Variants in BTBD8 observed in about 807,000 individuals in gnomAD.
The protein encoded by BTBD8 is BTB/POZ domain-containing protein 8.
Under a neutral mutation model 162.9 loss-of-function variants are expected in BTBD8, and 110 were observed. The observed-to-expected ratio is 0.68, with a 90% CI of 0.58 to 0.79. The LOEUF (loss-of-function observed/expected upper bound fraction) is 0.79. Ranked by LOEUF, BTBD8 falls within the 30% of genes least tolerant of loss-of-function variation. The pLI, the probability that BTBD8 is intolerant of heterozygous loss-of-function variation, is 0.00. For synonymous variants in BTBD8, 667 were observed against 716.1 expected (o/e 0.93, Z 1.10); for missense variants, 1,905 against 2,085.4 (o/e 0.91, Z 1.68).
chr1:92,127,808 G>A (rs1471431340), intron 4 of BTBD8, among the ~76,000 whole-genome samples: 2 of 152,210 alleles, frequency 1.3e-5, no homozygotes, highest in East Asian at 3.9e-4. Context: ...TGATCCGCCC[G>A]CCATGGCCTC....
chr1:92,107,327 CAT>C (rs1341739168), intron 3 of BTBD8, among the ~76,000 whole-genome samples: 3 of 152,164 alleles, frequency 2.0e-5, no homozygotes, highest in African/African-American at 7.2e-5. Context: ...AGTGTACAGT[CAT>C]GTGCTGCATA....
chr1:92,128,346 T>G (rs917193510), intron 4 of BTBD8, among the ~76,000 whole-genome samples: 8 of 151,974 alleles, frequency 5.3e-5, no homozygotes, highest in Non-Finnish European at 1.2e-4. Context: ...TGGTGCAATC[T>G]CGGCTCACTG....
intron 13 of BTBD8, among the ~76,000 whole-genome samples, chr1:92,175,282 C>T (rs988976169): frequency 1.3e-5 from 2 of 151,494 alleles, no homozygotes; most frequent in African/African-American, 4.9e-5. Context: ...AGATCAAGAC[C>T]ATCCTGGCCA....
chr1:92,094,865 A>G (rs1345860652), intron 2 of BTBD8, among the ~76,000 whole-genome samples: 1 of 152,250 alleles, frequency 6.6e-6, no homozygotes, highest in African/African-American at 2.4e-5. Flanking sequence ...AGTCTCAGTC[A>G]GGTAAATACA....
At chr1:92,116,302 T>C (rs1649041333) in intron 4 of BTBD8, among the ~76,000 whole-genome samples, 1 of 152,120 alleles carries the variant, frequency 6.6e-6, no homozygotes. Context: ...TTAAAAAGAA[T>C]ATGTGTTCTG....
At chr1:92,146,283 G>A (rs990108686) in intron 7 of BTBD8, among the ~76,000 whole-genome samples, 1 of 151,878 alleles carries the variant, frequency 6.6e-6, no homozygotes, top group African/African-American at 2.4e-5. Flanking sequence ...AAGAATAACA[G>A]ACTTTAAAAA....
chr1:92,133,368 G>GTTCT (rs1649557695), intron 5 of BTBD8, among the ~76,000 whole-genome samples: 3 of 152,192 alleles, frequency 2.0e-5, no homozygotes, highest in Non-Finnish European at 4.4e-5. Context: ...AATATTGACT[G>GTTCT]TTCTTTCTTT....
At chr1:92,123,816 T>C (rs1398789761) in intron 4 of BTBD8, among the ~76,000 whole-genome samples, 1 of 151,378 alleles carries the variant, frequency 6.6e-6, no homozygotes, top group Middle Eastern at 3.4e-3. Flanking sequence ...TAGAAATAAT[T>C]TGACACTCAA....
intron 1 of BTBD8, among the ~76,000 whole-genome samples, chr1:92,081,762 C>T (rs184264319): frequency 3.0e-4 from 45 of 152,204 alleles, no homozygotes; most frequent in Admixed American, 2.4e-3. Context: ...TTAGTAGAGA[C>T]GGGATTTCAT....
intron 3 of BTBD8, among the ~76,000 whole-genome samples, chr1:92,103,818 G>A (rs1305878728): frequency 5.3e-5 from 8 of 152,160 alleles, no homozygotes; most frequent in Non-Finnish European, 1.0e-4. Flanking sequence ...AGGCATGTTT[G>A]CTTTTTAATC....
At chr1:92,165,840 G>A (rs1355423888) in intron 9 of BTBD8, among the ~76,000 whole-genome samples, 2 of 152,108 alleles carry the variant, frequency 1.3e-5, no homozygotes, top group Admixed American at 1.3e-4. Flanking sequence ...CACCACTGTT[G>A]GTTAAGGCAA....
chr1:92,153,477 C>T (rs1264114287), intron 9 of BTBD8, among the ~76,000 whole-genome samples: 4 of 152,142 alleles, frequency 2.6e-5, no homozygotes, highest in Non-Finnish European at 4.4e-5. Flanking sequence ...CAGCTGATCT[C>T]TCATCTTTCG....
At chr1:92,148,603 T>C (rs1649980400) in intron 9 of BTBD8, among the ~76,000 whole-genome samples, 1 of 152,222 alleles carries the variant, frequency 6.6e-6, no homozygotes, top group African/African-American at 2.4e-5. Context: ...CCAGGATTTA[T>C]GGGCCTAAAA....
chr1:92,150,698 G>A (rs1402897182), intron 9 of BTBD8: 1 of 152,204 alleles, frequency 6.6e-6, no homozygotes. Context: ...TGCACTCACA[G>A]CACAGAACAC....
chr1:92,081,167 T>C (rs1015186276), intron 1 of BTBD8, among the ~76,000 whole-genome samples: 2 of 152,198 alleles, frequency 1.3e-5, no homozygotes, highest in African/African-American at 2.4e-5. Context: ...GGAGGTCTCT[T>C]CTGAGGTCTC....
intron 16 of BTBD8, among the ~76,000 whole-genome samples, chr1:92,180,027 G>C (rs893538923): frequency 2.0e-5 from 3 of 151,990 alleles, no homozygotes; most frequent in Admixed American, 6.6e-5. Context: ...TCCTATTTTA[G>C]TAATTTTTAC....
chr1:92,080,425 A>C lies in BTBD8; in HGVS notation c.-147A>C, dbSNP rs1384588123. The C allele has an allele frequency of 1.6e-6, 2 of 1,217,464 alleles. No individual in the cohort carries two copies. The highest frequency in any genetic ancestry group is 5.5e-5 in the East Asian group (2 of 36,422). 75.4% of individuals were successfully genotyped at this position (1,217,464 alleles called of 1,614,324 possible). On this transcript the variant is annotated 5_prime_UTR_variant, in exon 1 of 18. Coordinates refer to ENST00000636805, the MANE Select transcript of BTBD8 (RefSeq NM_001376131.1). Reference sequence around the variant, plus strand: ...CCGGCTTCTCTGGGAGACTGTCTACAAACCGACGAGAGGCGTCAACCTTTT... The same window carrying C: ...CCGGCTTCTCTGGGAGACTGTCTACCAACCGACGAGAGGCGTCAACCTTTT...
In BTBD8 at chr1:92,157,100, A is replaced by G. The variant is rs368801668; in HGVS notation, c.1122+9314A>G. 4.6e-5 allele frequency among the ~76,000 whole-genome samples: 7 copies of G among 151,924 alleles called. No homozygotes were observed. The East Asian group carries it at 5.8e-4, about 13-fold the overall frequency. Reference sequence around the variant, plus strand: ...CTTAGTTCTGCTTTTGCTACATCCCATAAGTTTTGGTATATTGTATTGTTG... The same window carrying G: ...CTTAGTTCTGCTTTTGCTACATCCCGTAAGTTTTGGTATATTGTATTGTTG... On this transcript the variant is annotated intron_variant, in intron 9 of 17. Transcript: ENST00000636805.
chr1:92,140,125 AG>A lies in BTBD8; in HGVS notation c.833+696del, dbSNP rs1181242809. On this transcript the variant is annotated intron_variant, in intron 6 of 17. Transcript: ENST00000636805. ...CTCTGTCTCAAAAAAAAAAAAAAAA[AG>A]AATATAGGGCATTTGCCAGGCGTGA... Among the ~76,000 whole-genome samples the A allele has an allele frequency of 1.0e-3, 141 of 136,430 alleles. 1 individual carries two copies. Among genetic ancestry groups the A allele is most frequent in the African/African-American group, 3.8e-3 (137 of 36,412 alleles). 89.5% of individuals were successfully genotyped at this position (136,430 alleles called of 152,430 possible). A position where few individuals can be genotyped will look rare whatever the true frequency, so the allele number is the denominator to read the frequency against.
Sources: gnomAD v4.1 joint callset for allele counts (sites outside exome capture counted in the v4.1 genomes callset) on GRCh38, gnomAD v4.1.1 for gene constraint, MANE v1.5 for transcripts, NCBI Gene and HGNC (gene_info 2026-07-23, HGNC 2026-07-21) for gene names.